EEA1: variants seen among roughly 807,000 people sequenced by gnomAD.
EEA1 encodes the protein early endosome antigen 1.
Under a neutral mutation model 209.2 loss-of-function variants are expected in EEA1, and 111 were observed. The observed-to-expected ratio is 0.53, with a 90% CI of 0.45 to 0.62. EEA1 has a LOEUF of 0.62. Among genes scored for constraint, EEA1 ranks in the 20% least tolerant of loss-of-function variants. The probability of loss-of-function intolerance (pLI) is 0.00; values close to 1 mark genes in which losing one functional copy is unlikely to be tolerated. For missense variants in EEA1, 1,343 were observed against 1,530.8 expected, an observed-to-expected ratio of 0.88 and a Z score of 2.05; for synonymous variants, 536 against 540.6, an observed-to-expected ratio of 0.99 and a Z score of 0.12.
chr12:92,779,828 A>C (rs917992480), intron 24 of EEA1, among the ~76,000 whole-genome samples: 3 of 152,074 alleles, frequency 2.0e-5, no homozygotes, highest in Admixed American at 2.0e-4. Flanking sequence ...AATAATAGAC[A>C]ATTAGTTTTC....
rs1875953998 is a variant in EEA1 at position 92,819,614 on chromosome 12, T to A, written c.1525-103A>T. ...TAAATTCTATCACTCAAATACTCAG[T>A]CTTACATTTTTTAAAACTATTACAT... On this transcript the variant is annotated intron_variant, in intron 13 of 28. Transcript: ENST00000322349. 7.7e-6 allele frequency: 6 copies of A among 781,726 alleles called. 1 individual carries two copies. The East Asian group carries it at 1.7e-4, about 22-fold the overall frequency. The allele number at this position is 781,726 out of a possible 1,614,324, so 48.4% of individuals were successfully genotyped here.
intron 16 of EEA1, among the ~76,000 whole-genome samples, chr12:92,811,978 T>C (rs900068828): frequency 2.0e-5 from 3 of 152,142 alleles, no homozygotes; most frequent in East Asian, 1.9e-4. Context: ...AGGGTAAATA[T>C]AGAAAACTGT....
At chr12:92,840,365 T>A (rs1432845039) in intron 10 of EEA1, among the ~76,000 whole-genome samples, 1 of 152,194 alleles carries the variant, frequency 6.6e-6, no homozygotes, top group African/African-American at 2.4e-5. Context: ...CAGGCTGGAG[T>A]GCAGTGGCAT....
chr12:92,828,246 A>G (rs1876415269), intron 11 of EEA1, among the ~76,000 whole-genome samples, 185 bp from the exon 12 acceptor site: 1 of 152,186 alleles, frequency 6.6e-6, no homozygotes. Flanking sequence ...ATCATATATT[A>G]TAATGAATCA....
intron 2 of EEA1, among the ~76,000 whole-genome samples, chr12:92,868,144 G>A (rs992529688): frequency 6.6e-6 from 1 of 152,150 alleles, no homozygotes; most frequent in Non-Finnish European, 1.5e-5. Context: ...ATGTGCCTCT[G>A]GACATCAGAA....
At chr12:92,864,171 T>A (rs1200794766) in intron 3 of EEA1, among the ~76,000 whole-genome samples, 1 of 152,168 alleles carries the variant, frequency 6.6e-6, no homozygotes, top group East Asian at 1.9e-4. Context: ...TATATGGTTA[T>A]CATATTTTCC....
intron 10 of EEA1, among the ~76,000 whole-genome samples, chr12:92,834,435 C>A (rs1291866752): frequency 6.6e-6 from 1 of 151,314 alleles, no homozygotes; most frequent in Non-Finnish European, 1.5e-5. Flanking sequence ...GACCTAGCTA[C>A]CCGAGAGGCT....
chr12:92,892,940 T>C (rs1879719699), intron 1 of EEA1, among the ~76,000 whole-genome samples: 1 of 152,172 alleles, frequency 6.6e-6, no homozygotes, highest in African/African-American at 2.4e-5. Flanking sequence ...GGCAATAGTC[T>C]CTTTTCTACA....
chr12:92,779,004 C>G (rs1016229419), intron 25 of EEA1, 111 bp downstream of exon 25: 9 of 977,780 alleles, frequency 9.2e-6, no homozygotes, highest in Non-Finnish European at 1.3e-5. Flanking sequence ...TAATCAAAAA[C>G]TAAAATGTTA....
intron 3 of EEA1, among the ~76,000 whole-genome samples, chr12:92,862,502 A>T (rs934780809): frequency 2.0e-5 from 3 of 152,138 alleles, no homozygotes; most frequent in African/African-American, 7.2e-5. Context: ...AGGCTGAGGC[A>T]CGAGGATTAC....
intron 11 of EEA1, among the ~76,000 whole-genome samples, chr12:92,831,393 T>C (rs1001518130): frequency 6.6e-6 from 1 of 150,818 alleles, no homozygotes; most frequent in Non-Finnish European, 1.5e-5. Flanking sequence ...ATACAAAATA[T>C]TTTTGCCTTT....
At position 92,893,726 on chromosome 12, in the gene EEA1, AT is replaced by A. The variant is rs559277926; in HGVS notation, c.25-2006del. Among the ~76,000 whole-genome samples the A allele has an allele frequency of 6.5e-3, 983 of 152,174 alleles. 7 individuals are homozygous for A. Among genetic ancestry groups the A allele is most frequent in the Non-Finnish European group, 8.7e-3 (594 of 67,988 alleles). On this transcript the variant is annotated intron_variant, in intron 1 of 28. Transcript: ENST00000322349. Reference sequence around the variant, plus strand: ...TAGCAAGACAGGAATCTTCATTTTTATTTTTTTCAGTTTTCATTTTGCTACT... The same window carrying A: ...TAGCAAGACAGGAATCTTCATTTTTATTTTTTCAGTTTTCATTTTGCTACT...
intron 5 of EEA1, among the ~76,000 whole-genome samples, chr12:92,854,478 C>G (rs1330512928): frequency 6.6e-6 from 1 of 152,188 alleles, no homozygotes; most frequent in Non-Finnish European, 1.5e-5. Context: ...TGAACTTCTC[C>G]TCTCTTCAGT....
At position 92,857,352 on chromosome 12, in the gene EEA1, G is replaced by A; in HGVS notation, c.301-12C>T. ...TACCATTTTTCTTCCTAATAAAAAA[G>A]ATTTTTAATTAGTAAATTTAAAAAG... On this transcript the variant is annotated splice_polypyrimidine_tract_variant and intron_variant, in intron 4 of 28. Coordinates refer to ENST00000322349, the MANE Select transcript of EEA1 (RefSeq NM_003566.4). 1 of 1,566,892 alleles carries A rather than the reference G, an allele frequency of 6.4e-7. No individual in the cohort carries two copies. The highest frequency in any genetic ancestry group is 8.6e-7 in the Non-Finnish European group (1 of 1,157,794).
chr12:92,827,769 A>T, intron 12 of EEA1, 143 bp downstream of exon 12: 2 of 795,752 alleles, frequency 2.5e-6, no homozygotes, highest in Non-Finnish European at 3.7e-6. Flanking sequence ...TAATGTAGTT[A>T]ATAAGCAAGA....
chr12:92,875,250 G>A (rs1979801), intron 2 of EEA1, among the ~76,000 whole-genome samples: 39,460 of 151,896 alleles, frequency 0.26, 5,612 homozygotes, highest in Non-Finnish European at 0.32. Context: ...AAGAGATCAA[G>A]ACTATCCTGG....
At chr12:92,809,836 CAT>C (rs1164715123) in intron 17 of EEA1, among the ~76,000 whole-genome samples, 3 of 152,066 alleles carry the variant, frequency 2.0e-5, no homozygotes, top group Non-Finnish European at 4.4e-5. Flanking sequence ...TCACTTAAAA[CAT>C]ATTATCTTTT....
intron 18 of EEA1, among the ~76,000 whole-genome samples, chr12:92,803,049 C>T (rs1875007748): frequency 6.6e-6 from 1 of 151,990 alleles, no homozygotes; most frequent in African/African-American, 2.4e-5. Flanking sequence ...GTATCACAGA[C>T]CCTCTACTCT....
rs1002055348 is a variant in EEA1, at chr12:92,775,535, A to AG, written c.*475dup. ...AGAAAAAGGCAGAGGAAAGTGTTAC[A>AG]GTTCTGTGCATAACTTCACAAAGAG... On this transcript the variant is annotated 3_prime_UTR_variant, in exon 29 of 29. Transcript: ENST00000322349. 2 of 152,266 alleles carry AG rather than the reference A, an allele frequency of 1.3e-5. No homozygotes were observed. The highest frequency in any genetic ancestry group is 4.8e-5 in the African/African-American group (2 of 41,416). The allele number at this position is 152,266 out of a possible 1,614,324, so 9.4% of individuals were successfully genotyped here.
Sources: allele counts gnomAD v4.1 joint callset (sites outside exome capture counted in the v4.1 genomes callset), GRCh38; gene constraint gnomAD v4.1.1; transcripts MANE v1.5; gene names NCBI Gene and HGNC (gene_info 2026-07-23, HGNC 2026-07-21).